The following ARK2N variants were observed in gnomAD, a reference collection of about 807,000 sequenced individuals.
ARK2N encodes protein ARK2N.
the ARK2N span, chr18:46,253,651 G>A: frequency 6.3e-7 from 1 of 1,584,318 alleles, no homozygotes; most frequent in South Asian, 1.1e-5. Context: ...TGTTTGTGAG[G>A]AATAAAATTA....
At chr18:46,201,433 C>CT in the ARK2N span, among the ~76,000 whole-genome samples, 1 of 151,832 alleles carries the variant, frequency 6.6e-6, no homozygotes, top group African/African-American at 2.4e-5. Context: ...CCATTTTGGA[C>CT]TTTTTTTTGT....
the ARK2N span, among the ~76,000 whole-genome samples, chr18:46,189,768 G>A: frequency 4.6e-5 from 7 of 152,192 alleles, no homozygotes; most frequent in African/African-American, 1.4e-4. Flanking sequence ...GGACACCAAG[G>A]TGGGCGGATC....
chr18:46,231,571 T>A, the ARK2N span, among the ~76,000 whole-genome samples: 3 of 132,134 alleles, frequency 2.3e-5, no homozygotes, highest in Non-Finnish European at 4.7e-5. Context: ...TGGGGCTTTT[T>A]TTTTTTTTTT....
the ARK2N span, among the ~76,000 whole-genome samples, chr18:46,201,927 G>A: frequency 1.3e-5 from 2 of 151,860 alleles, no homozygotes; most frequent in Non-Finnish European, 1.5e-5. Flanking sequence ...ACAGGCGGGC[G>A]CCATTACGCC....
the ARK2N span, among the ~76,000 whole-genome samples, chr18:46,262,347 C>T: frequency 3.9e-5 from 6 of 152,210 alleles, no homozygotes; most frequent in East Asian, 5.8e-4. Context: ...AAATTATAAG[C>T]GATTCTGTTG....
the ARK2N span, among the ~76,000 whole-genome samples, chr18:46,241,243 G>C: frequency 6.6e-6 from 1 of 152,124 alleles, no homozygotes; most frequent in Non-Finnish European, 1.5e-5. Context: ...ATTTACTGTA[G>C]CTAATTTTGG....
chr18:46,258,064 C>G, the ARK2N span, among the ~76,000 whole-genome samples: 3 of 152,054 alleles, frequency 2.0e-5, no homozygotes, highest in East Asian at 5.8e-4. Flanking sequence ...GTAGCTGGGA[C>G]TATAGGTGCA....
At chr18:46,211,828 C>G in the ARK2N span, among the ~76,000 whole-genome samples, 1 of 152,112 alleles carries the variant, frequency 6.6e-6, no homozygotes, top group African/African-American at 2.4e-5. Context: ...AACATTAACC[C>G]AGAGGGTTGA....
At chr18:46,252,141 C>T in the ARK2N span, among the ~76,000 whole-genome samples, 1,848 of 151,054 alleles carry the variant, frequency 0.012, 47 homozygotes, top group African/African-American at 0.043. Flanking sequence ...TGCAGTGAGC[C>T]GAGATTGTGC....
the ARK2N span, among the ~76,000 whole-genome samples, chr18:46,185,902 G>A: frequency 5.3e-5 from 8 of 152,138 alleles, no homozygotes; most frequent in Non-Finnish European, 1.2e-4. Context: ...AAGGAGAATC[G>A]CTTGAACCCA....
At chr18:46,206,025 C>A in the ARK2N span, among the ~76,000 whole-genome samples, 1 of 151,380 alleles carries the variant, frequency 6.6e-6, no homozygotes. Flanking sequence ...CCACTGCCCC[C>A]AGTAGAGACC....
the ARK2N span, among the ~76,000 whole-genome samples, chr18:46,233,309 G>A: frequency 2.0e-5 from 3 of 152,168 alleles, no homozygotes; most frequent in Non-Finnish European, 4.4e-5. Context: ...ACATAGGGAT[G>A]TGGCTAATAT....
At chr18:46,217,869 A>G in the ARK2N span, 3 of 152,160 alleles carry the variant, frequency 2.0e-5, no homozygotes, top group Non-Finnish European at 4.4e-5. Flanking sequence ...AGTTAAATGT[A>G]TGAGAGAAAC....
the ARK2N span, among the ~76,000 whole-genome samples, chr18:46,182,661 T>C: frequency 1.3e-5 from 2 of 151,492 alleles, no homozygotes; most frequent in South Asian, 4.2e-4. Flanking sequence ...TTGAGTACTT[T>C]AGAGAGTCAT....
chr18:46,192,141 G>C, the ARK2N span, among the ~76,000 whole-genome samples: 1 of 152,048 alleles, frequency 6.6e-6, no homozygotes, highest in South Asian at 2.1e-4. Flanking sequence ...CAGCATTTTT[G>C]ACTGAAAATC....
At chr18:46,195,983 T>G in the ARK2N span, among the ~76,000 whole-genome samples, 1 of 151,686 alleles carries the variant, frequency 6.6e-6, no homozygotes, top group Non-Finnish European at 1.5e-5. Context: ...CTTTTTCTTT[T>G]TCTTTTTTTT....
chr18:46,224,386 A>G, the ARK2N span, among the ~76,000 whole-genome samples: 2 of 152,150 alleles, frequency 1.3e-5, no homozygotes, highest in Admixed American at 1.3e-4. Context: ...AAAAATTAAA[A>G]CAGATCTTTT....
At chr18:46,215,765 A>G in the ARK2N span, 3 of 1,038,494 alleles carry the variant, frequency 2.9e-6, no homozygotes, top group Non-Finnish European at 4.2e-6. Context: ...TGTGTTGACT[A>G]AATAATCTGG....
At chr18:46,256,999 C>G in the ARK2N span, among the ~76,000 whole-genome samples, 1 of 152,126 alleles carries the variant, frequency 6.6e-6, no homozygotes, top group African/African-American at 2.4e-5. Context: ...TCTAGGGTTG[C>G]AGTTATGAAG....
Sources: allele counts gnomAD v4.1 joint callset (sites outside exome capture counted in the v4.1 genomes callset), GRCh38; gene constraint gnomAD v4.1.1; transcripts MANE v1.5; gene names NCBI Gene and HGNC (gene_info 2026-07-23, HGNC 2026-07-21).